Variants in ZNF487 observed in about 807,000 individuals in gnomAD.
ZNF487 encodes KRAB domain only 1.
A neutral mutation model predicts 3.0 loss-of-function variants in ZNF487; 4 were observed. That is an observed-to-expected ratio of 1.35 (90% CI 0.66 to 3.08). The LOEUF (loss-of-function observed/expected upper bound fraction) is 3.08, where lower values mean the gene tolerates loss of function less well. ZNF487 is among the 30% of genes most tolerant of loss of function. The pLI is 0.01. For missense variants in ZNF487, 146 were observed against 98.7 expected, an observed-to-expected ratio of 1.48 and a Z score of -2.03; for synonymous variants, 55 against 34.6, an observed-to-expected ratio of 1.59 and a Z score of -2.06.
the ZNF487 span, among the ~76,000 whole-genome samples, chr10:43,493,251 C>A: frequency 3.7e-3 from 561 of 152,146 alleles, 3 homozygotes; most frequent in African/African-American, 0.013. Flanking sequence ...AAACAAACAA[C>A]AACAACAACA....
intron 1 of ZNF487, among the ~76,000 whole-genome samples, chr10:43,450,153 C>G (rs1189876339): frequency 6.6e-6 from 1 of 151,828 alleles, no homozygotes; most frequent in Non-Finnish European, 1.5e-5. Context: ...AAGTGATTCT[C>G]CTGCATCAGC....
At chr10:43,453,234 T>A (rs999051264) in intron 1 of ZNF487, 15 of 152,104 alleles carry the variant, frequency 9.9e-5, no homozygotes, top group African/African-American at 3.6e-4. Context: ...CAATGTTCCT[T>A]GAGAAAGACA....
the ZNF487 span, among the ~76,000 whole-genome samples, chr10:43,488,742 A>G: frequency 6.6e-6 from 1 of 152,196 alleles, no homozygotes; most frequent in Non-Finnish European, 1.5e-5. Context: ...GTAGCAGCAC[A>G]TGCTCAATAT....
At chr10:43,494,046 A>C in the ZNF487 span, among the ~76,000 whole-genome samples, 1 of 151,738 alleles carries the variant, frequency 6.6e-6, no homozygotes, top group Non-Finnish European at 1.5e-5. Flanking sequence ...AAAAAAAAAA[A>C]AAACTAAAAT....
chr10:43,441,566 C>T (rs933491951), intron 1 of ZNF487, among the ~76,000 whole-genome samples: 1 of 150,960 alleles, frequency 6.6e-6, no homozygotes, highest in African/African-American at 2.4e-5. Flanking sequence ...CGCGCCTGGC[C>T]AATTTTTGTA....
chr10:43,469,621 A>G (rs1008561100), intron 1 of ZNF487, among the ~76,000 whole-genome samples: 1 of 152,082 alleles, frequency 6.6e-6, no homozygotes, highest in East Asian at 1.9e-4. Context: ...GATTACAGGC[A>G]TGAACCAATG....
chr10:43,478,701 A>C (rs559317660), intron 3 of ZNF487, among the ~76,000 whole-genome samples: 2 of 152,316 alleles, frequency 1.3e-5, no homozygotes, highest in East Asian at 3.9e-4. Context: ...TCTGGATGAC[A>C]GAGTAAGAGC....
At chr10:43,490,385 A>AAAAC in the ZNF487 span, among the ~76,000 whole-genome samples, 2 of 152,008 alleles carry the variant, frequency 1.3e-5, no homozygotes, top group Admixed American at 6.6e-5. Context: ...GAAAATAAAT[A>AAAAC]AAACAAACAA....
chr10:43,491,233 C>T, the ZNF487 span, among the ~76,000 whole-genome samples: 3 of 151,866 alleles, frequency 2.0e-5, no homozygotes, highest in South Asian at 6.2e-4. Context: ...CTCAGCCTCC[C>T]AAAGTACTGG....
At chr10:43,515,793 T>C in the ZNF487 span, among the ~76,000 whole-genome samples, 6 of 152,188 alleles carry the variant, frequency 3.9e-5, no homozygotes, top group Non-Finnish European at 8.8e-5. Context: ...TCTCTTTTTT[T>C]TTGACGGAGT....
intron 1 of ZNF487, among the ~76,000 whole-genome samples, chr10:43,455,684 G>A (rs1490193881): frequency 6.6e-6 from 1 of 152,248 alleles, no homozygotes; most frequent in Admixed American, 6.5e-5. Flanking sequence ...CCATTTCCGA[G>A]AGTGGCAGGG....
At chr10:43,521,056 T>C in the ZNF487 span, among the ~76,000 whole-genome samples, 2 of 152,182 alleles carry the variant, frequency 1.3e-5, no homozygotes, top group African/African-American at 4.8e-5. Flanking sequence ...GGGTGATAGT[T>C]GTCAGAGGAA....
At chr10:43,436,947 G>A (rs909329293), upstream of ZNF487, 6 of 464,914 alleles carry the variant, frequency 1.3e-5, no homozygotes, top group Non-Finnish European at 2.2e-5. Flanking sequence ...TAAGAGTCCG[G>A]CCAGCGGACA....
At position 43,461,706 on chromosome 10, in the gene ZNF487, A is replaced by G. The variant is rs74137734; in HGVS notation, c.-93-14015A>G. Among the ~76,000 whole-genome samples, 930 of 152,226 alleles carry G rather than the reference A, an allele frequency of 6.1e-3. 9 individuals carry two copies. The highest frequency in any genetic ancestry group is 0.018 in the African/African-American group (737 of 41,534). On this transcript the variant is annotated intron_variant, in intron 1 of 3. Transcript: ENST00000437590. The stretch of plus-strand genomic sequence containing the variant: ...TATTCTCCATGAGTGCTTGTGTAAG[A>G]TTGGTGCTATTTATTCCTTAATTGC...
the ZNF487 span, among the ~76,000 whole-genome samples, chr10:43,513,485 C>G: frequency 6.6e-6 from 1 of 152,226 alleles, no homozygotes; most frequent in Non-Finnish European, 1.5e-5. Context: ...AATGGGAGAG[C>G]TGAATGGGGA....
At chr10:43,470,287 ACT>A (rs1840858884) in intron 1 of ZNF487, among the ~76,000 whole-genome samples, 1 of 151,376 alleles carries the variant, frequency 6.6e-6, no homozygotes, top group Admixed American at 6.6e-5. Flanking sequence ...ATCACGGCTC[ACT>A]TTAGCCTTGA....
At chr10:43,489,635 T>G in the ZNF487 span, among the ~76,000 whole-genome samples, 1 of 152,176 alleles carries the variant, frequency 6.6e-6, no homozygotes, top group Non-Finnish European at 1.5e-5. Flanking sequence ...ATTACAGGCG[T>G]GAGCCACCAC....
chr10:43,510,510 C>T, the ZNF487 span, among the ~76,000 whole-genome samples: 37 of 152,160 alleles, frequency 2.4e-4, no homozygotes, highest in African/African-American at 8.7e-4. Flanking sequence ...TCTTGATAAT[C>T]CGGGACAACC....
intron 1 of ZNF487, among the ~76,000 whole-genome samples, chr10:43,447,689 A>G (rs1160053335): frequency 2.0e-5 from 3 of 152,092 alleles, no homozygotes; most frequent in Non-Finnish European, 4.4e-5. Context: ...ACTGATCAAT[A>G]CACTGCTGAG....
Sources: allele counts gnomAD v4.1 joint callset (sites outside exome capture counted in the v4.1 genomes callset), GRCh38; gene constraint gnomAD v4.1.1; transcripts MANE v1.5; gene names NCBI Gene and HGNC (gene_info 2026-07-23, HGNC 2026-07-21).